Variants in NARS2 observed in about 807,000 individuals in gnomAD.
The protein encoded by NARS2 is asparaginyl-tRNA synthetase 2, mitochondrial, also known as asparaginyl-tRNA synthetase.
In NARS2, 60 loss-of-function variants were observed where a neutral mutation model predicts 62.9. The observed-to-expected ratio is 0.95, with a 90% CI of 0.77 to 1.18. NARS2 has a LOEUF of 1.18. Ranked by LOEUF, NARS2 falls within the 50% of genes most tolerant of loss-of-function variation. The probability of loss-of-function intolerance (pLI) is 0.00; values close to 1 mark genes in which losing one functional copy is unlikely to be tolerated. For missense variants in NARS2, 619 were observed against 576.4 expected (o/e 1.07, Z -0.76); for synonymous variants, 196 against 200.0 (o/e 0.98, Z 0.17).
intron 11 of NARS2, among the ~76,000 whole-genome samples, chr11:78,458,630 C>T (rs1002913529): frequency 2.2e-4 from 34 of 152,176 alleles, no homozygotes; most frequent in African/African-American, 6.3e-4. Context: ...CACTACTCGT[C>T]GACAGTGTGT....
At chr11:78,443,034 A>G (rs1276053705) in intron 12 of NARS2, among the ~76,000 whole-genome samples, 1 of 152,176 alleles carries the variant, frequency 6.6e-6, no homozygotes, top group Non-Finnish European at 1.5e-5. Context: ...ATAAAAATGT[A>G]GGACAAGCTG....
rs1218185257 is a variant in NARS2 at position 78,574,773 on chromosome 11, G to A, written c.-285C>T. On this transcript the variant is annotated 5_prime_UTR_variant, in exon 1 of 14. Transcript: ENST00000281038. ...GCAGCTGGGGCGCCCCACTACCCGC[G>A]ACAATTGTAAACCTACGAACAGAAC... 3 of 422,238 alleles carry A rather than the reference G, an allele frequency of 7.1e-6. No individual in the cohort carries two copies. Among genetic ancestry groups the A allele is most frequent in the Admixed American group, 4.1e-5 (1 of 24,306 alleles). The allele number at this position is 422,238 out of a possible 1,614,324, so 26.2% of individuals were successfully genotyped here. A position where few individuals can be genotyped will look rare whatever the true frequency, so the allele number is the denominator to read the frequency against.
At chr11:78,457,903 T>A (rs1591142483) in intron 11 of NARS2, among the ~76,000 whole-genome samples, 1 of 152,300 alleles carries the variant, frequency 6.6e-6, no homozygotes, top group African/African-American at 2.4e-5. Flanking sequence ...AAATATTGCA[T>A]GTTCTCATTC....
intron 9 of NARS2, among the ~76,000 whole-genome samples, chr11:78,471,332 A>ATC (rs1565220081): frequency 6.6e-6 from 1 of 152,212 alleles, no homozygotes; most frequent in African/African-American, 2.4e-5. Context: ...TGAAACACTT[A>ATC]GAGTTTCATA....
intron 11 of NARS2, among the ~76,000 whole-genome samples, chr11:78,449,885 A>C (rs138591916): frequency 6.6e-6 from 1 of 152,228 alleles, no homozygotes; most frequent in African/African-American, 2.4e-5. Flanking sequence ...GTTTAAAACA[A>C]TGAAAGGCCT....
intron 7 of NARS2, among the ~76,000 whole-genome samples, chr11:78,486,248 CATG>C (rs1383987768): frequency 6.6e-6 from 1 of 152,000 alleles, no homozygotes; most frequent in East Asian, 1.9e-4. Context: ...AAATGAATAA[CATG>C]GTGGCAACTA....
At chr11:78,493,680 A>G (rs528595871) in intron 6 of NARS2, among the ~76,000 whole-genome samples, 1 of 151,672 alleles carries the variant, frequency 6.6e-6, no homozygotes, top group East Asian at 1.9e-4. Context: ...CAAACAAAAA[A>G]AAAAAAGAAA....
intron 11 of NARS2, among the ~76,000 whole-genome samples, chr11:78,448,755 G>C (rs567133073): frequency 6.6e-6 from 1 of 152,194 alleles, no homozygotes; most frequent in Non-Finnish European, 1.5e-5. Context: ...CCAGTGATGA[G>C]GAAGATGAGG....
chr11:78,488,373 T>C (rs1432133684), intron 7 of NARS2, among the ~76,000 whole-genome samples: 5 of 152,024 alleles, frequency 3.3e-5, no homozygotes. Flanking sequence ...TGTTGAGAGT[T>C]AGAAAGATTT....
intron 4 of NARS2, among the ~76,000 whole-genome samples, chr11:78,562,318 T>A (rs1303941072): frequency 2.0e-5 from 3 of 151,830 alleles, no homozygotes; most frequent in Non-Finnish European, 4.4e-5. Context: ...TAGTCCCAGC[T>A]ACTTGGGAGG....
At chr11:78,518,238 G>A (rs1470283939) in intron 6 of NARS2, among the ~76,000 whole-genome samples, 1 of 152,208 alleles carries the variant, frequency 6.6e-6, no homozygotes, top group African/African-American at 2.4e-5. Context: ...GGGAGGATGT[G>A]CATAGGTTAT....
intron 5 of NARS2, among the ~76,000 whole-genome samples, chr11:78,553,010 T>A (rs1197480645): frequency 6.6e-6 from 1 of 152,232 alleles, no homozygotes; most frequent in Non-Finnish European, 1.5e-5. Context: ...TAGTTCTGCT[T>A]TTAGCTCTTT....
chr11:78,443,920 T>C lies in NARS2; in HGVS notation c.1165-162A>G, dbSNP rs79192266. 7,449 of 561,866 alleles carry C rather than the reference T, an allele frequency of 0.013. 428 individuals carry two copies. The highest frequency in any genetic ancestry group is 0.13 in the African/African-American group (6,662 of 53,092). 34.8% of individuals were successfully genotyped at this position (561,866 alleles called of 1,614,324 possible). ...TATAAGTGGACAATTTCCTCTCTCT[T>C]GCACCATTTGTGTAGTATACTGAAC... On this transcript the variant is annotated intron_variant, in intron 11 of 13. Coordinates refer to ENST00000281038, the MANE Select transcript of NARS2 (RefSeq NM_024678.6).
intron 10 of NARS2, among the ~76,000 whole-genome samples, chr11:78,468,510 T>C (rs1193414397): frequency 6.6e-6 from 1 of 150,946 alleles, no homozygotes; most frequent in Non-Finnish European, 1.5e-5. Flanking sequence ...GTTCATGCCA[T>C]TCTCCTGCCT....
At chr11:78,562,168 C>T (rs983383119) in intron 4 of NARS2, among the ~76,000 whole-genome samples, 8 of 152,208 alleles carry the variant, frequency 5.3e-5, no homozygotes, top group African/African-American at 1.4e-4. Context: ...TGGCTCATAT[C>T]TGGACCCTAG....
At chr11:78,488,028 T>C (rs1040067095) in intron 7 of NARS2, among the ~76,000 whole-genome samples, 4 of 152,202 alleles carry the variant, frequency 2.6e-5, no homozygotes, top group African/African-American at 9.7e-5. Flanking sequence ...TAATTTACTA[T>C]TACTACCAAA....
At chr11:78,561,807 C>T (rs1856564543) in intron 4 of NARS2, among the ~76,000 whole-genome samples, 1 of 152,182 alleles carries the variant, frequency 6.6e-6, no homozygotes, top group African/African-American at 2.4e-5. Context: ...CGCCTGTAAT[C>T]CCAGCACTTT....
chr11:78,520,812 T>G (rs1398236040), intron 6 of NARS2, among the ~76,000 whole-genome samples: 1 of 151,970 alleles, frequency 6.6e-6, no homozygotes, highest in African/African-American at 2.4e-5. Flanking sequence ...TCCCAACACT[T>G]TGGGAGGCCG....
rs567391363 is a variant in NARS2 at position 78,550,613 on chromosome 11, C to A, written c.594+8926G>T. Reference sequence around the variant, plus strand: ...TTATAATCAAAGAAACTGAAAATAACAAATGTAGGCTAGGATGCAGGGAAA... The same window carrying A: ...TTATAATCAAAGAAACTGAAAATAAAAAATGTAGGCTAGGATGCAGGGAAA... On this transcript the variant is annotated intron_variant, in intron 5 of 13. Transcript: ENST00000281038. Among the ~76,000 whole-genome samples, 61 of 152,212 alleles carry A rather than the reference C, an allele frequency of 4.0e-4. 1 individual carries two copies. The highest frequency in any genetic ancestry group is 3.4e-3 in the Admixed American group (52 of 15,288).
Sources: gnomAD v4.1 joint callset for allele counts (sites outside exome capture counted in the v4.1 genomes callset) on GRCh38, gnomAD v4.1.1 for gene constraint, MANE v1.5 for transcripts, NCBI Gene and HGNC (gene_info 2026-07-23, HGNC 2026-07-21) for gene names.